The following ZNF804A variants were observed in gnomAD, a reference collection of about 807,000 sequenced individuals.
ZNF804A encodes zinc finger protein 804A.
In ZNF804A, 2 loss-of-function variants were observed where a neutral mutation model predicts 16.5. That is an observed-to-expected ratio of 0.12 (90% CI 0.05 to 0.38). ZNF804A has a LOEUF of 0.38. Among genes scored for constraint, ZNF804A ranks in the 10% least tolerant of loss-of-function variants. The probability of loss-of-function intolerance (pLI) is 0.99; values close to 1 mark genes in which losing one functional copy is unlikely to be tolerated. For synonymous variants in ZNF804A, 534 were observed against 489.6 expected, an observed-to-expected ratio of 1.09 and a Z score of -1.20; for missense variants, 1,473 against 1,390.7, an observed-to-expected ratio of 1.06 and a Z score of -0.94.
chr2:184,738,778 T>C (rs897056370), intron 1 of ZNF804A, among the ~76,000 whole-genome samples: 1 of 152,204 alleles, frequency 6.6e-6, no homozygotes, highest in African/African-American at 2.4e-5. Context: ...TGTGTACAAC[T>C]GTGTGCTCAA....
chr2:184,821,486 T>G (rs1695081928), intron 1 of ZNF804A, among the ~76,000 whole-genome samples: 1 of 152,114 alleles, frequency 6.6e-6, no homozygotes, highest in South Asian at 2.1e-4. Flanking sequence ...CGCAATGCCA[T>G]TCAGGATGTA....
chr2:184,665,753 C>T (rs1054248464), intron 1 of ZNF804A, among the ~76,000 whole-genome samples: 2 of 152,118 alleles, frequency 1.3e-5, no homozygotes, highest in African/African-American at 2.4e-5. Context: ...GTTGACAGGC[C>T]CCTGGGGGCT....
At chr2:184,775,766 A>G (rs933950080) in intron 1 of ZNF804A, among the ~76,000 whole-genome samples, 4 of 151,634 alleles carry the variant, frequency 2.6e-5, no homozygotes, top group East Asian at 1.9e-4. Flanking sequence ...CTTCCTAGAC[A>G]TGAAGCAAGA....
At chr2:184,650,386 T>C (rs527322803) in intron 1 of ZNF804A, among the ~76,000 whole-genome samples, 3 of 152,230 alleles carry the variant, frequency 2.0e-5, no homozygotes, top group African/African-American at 7.2e-5. Context: ...AGCATTCTCC[T>C]GGAGATCTAG....
intron 1 of ZNF804A, among the ~76,000 whole-genome samples, chr2:184,707,659 T>C (rs1035326657): frequency 5.3e-5 from 8 of 152,166 alleles, no homozygotes; most frequent in African/African-American, 1.9e-4. Context: ...GTGGTGTATA[T>C]GTATGATATA....
chr2:184,683,047 T>C (rs1692567741), intron 1 of ZNF804A, among the ~76,000 whole-genome samples: 1 of 152,108 alleles, frequency 6.6e-6, no homozygotes, highest in African/African-American at 2.4e-5. Context: ...AAAAATAAAA[T>C]AAAATAAAAA....
chr2:184,861,782 TG>T (rs1695803717), intron 1 of ZNF804A, among the ~76,000 whole-genome samples: 3 of 152,178 alleles, frequency 2.0e-5, no homozygotes, highest in Admixed American at 1.3e-4. Flanking sequence ...ATTTTAGTAT[TG>T]GGGGATAGAT....
At chr2:184,911,875 T>G (rs1221137510) in intron 2 of ZNF804A, among the ~76,000 whole-genome samples, 1 of 151,990 alleles carries the variant, frequency 6.6e-6, no homozygotes, top group East Asian at 1.9e-4. Flanking sequence ...TTTCCTACAA[T>G]TTTCCCTTTG....
intron 1 of ZNF804A, among the ~76,000 whole-genome samples, chr2:184,626,832 A>G (rs553941381): frequency 6.6e-6 from 1 of 152,336 alleles, no homozygotes; most frequent in South Asian, 2.1e-4. Flanking sequence ...ATAGAAATGA[A>G]TCGTTCAATG....
rs892728587 is a variant in ZNF804A, at chr2:184,833,789, C to T, written c.112-32580C>T. Reference sequence around the variant, plus strand: ...TTTAAGTTAAAAGTGATAGTTATCCCTCCCTTAGGGTGCAGCAAACCACCA... The same window carrying T: ...TTTAAGTTAAAAGTGATAGTTATCCTTCCCTTAGGGTGCAGCAAACCACCA... On this transcript the variant is annotated intron_variant, in intron 1 of 3. Coordinates refer to ENST00000302277, the MANE Select transcript of ZNF804A (RefSeq NM_194250.2). 2.6e-5 allele frequency among the ~76,000 whole-genome samples: 4 copies of T among 151,970 alleles called. No homozygotes were observed. The East Asian group carries it at 7.7e-4, about 29-fold the overall frequency.
chr2:184,713,264 G>T (rs1693158601), intron 1 of ZNF804A, among the ~76,000 whole-genome samples: 1 of 151,694 alleles, frequency 6.6e-6, no homozygotes. Context: ...TCTATATGTT[G>T]CTCTGGGAGT....
chr2:184,734,098 A>G (rs932523533), intron 1 of ZNF804A, among the ~76,000 whole-genome samples: 2 of 152,160 alleles, frequency 1.3e-5, no homozygotes, highest in African/African-American at 4.8e-5. Context: ...ATTTTGAGAT[A>G]GGATCTTGCC....
intron 1 of ZNF804A, among the ~76,000 whole-genome samples, chr2:184,734,949 A>G (rs1574186728): frequency 6.6e-6 from 1 of 152,270 alleles, no homozygotes; most frequent in Middle Eastern, 3.4e-3. Flanking sequence ...TTCTTGCCCT[A>G]AAGACTGCAC....
At chr2:184,650,735 A>C (rs1213966019) in intron 1 of ZNF804A, among the ~76,000 whole-genome samples, 1 of 152,152 alleles carries the variant, frequency 6.6e-6, no homozygotes, top group Non-Finnish European at 1.5e-5. Context: ...ACCTAGGAAT[A>C]CATGTAACCA....
At chr2:184,895,363 A>C (rs953709379) in intron 2 of ZNF804A, among the ~76,000 whole-genome samples, 1 of 152,212 alleles carries the variant, frequency 6.6e-6, no homozygotes. Context: ...TTAAATATGA[A>C]TCTTTAAGAA....
intron 2 of ZNF804A, among the ~76,000 whole-genome samples, chr2:184,913,069 A>T (rs989772504): frequency 6.6e-6 from 1 of 152,082 alleles, no homozygotes; most frequent in Non-Finnish European, 1.5e-5. Flanking sequence ...TTAGTTTTAT[A>T]TTTATGTTTT....
chr2:184,755,375 A>G (rs554717406), intron 1 of ZNF804A, among the ~76,000 whole-genome samples: 2 of 152,044 alleles, frequency 1.3e-5, no homozygotes, highest in South Asian at 2.1e-4. Flanking sequence ...TCTTCTCAAT[A>G]GTTCACATGG....
chr2:184,827,769 G>T (rs991858134), intron 1 of ZNF804A, among the ~76,000 whole-genome samples: 1 of 151,318 alleles, frequency 6.6e-6, no homozygotes. Flanking sequence ...ATGGTTGAGT[G>T]GTGTTTCATT....
At chr2:184,767,993 G>A (rs894598397) in intron 1 of ZNF804A, among the ~76,000 whole-genome samples, 4 of 151,932 alleles carry the variant, frequency 2.6e-5, no homozygotes, top group Admixed American at 2.6e-4. Flanking sequence ...CCACATAAAT[G>A]GTAAACCAAA....
Sources: allele counts gnomAD v4.1 joint callset (sites outside exome capture counted in the v4.1 genomes callset), GRCh38; gene constraint gnomAD v4.1.1; transcripts MANE v1.5; gene names NCBI Gene and HGNC (gene_info 2026-07-23, HGNC 2026-07-21).